Variants in GALNT18 observed in about 807,000 individuals in gnomAD.
GALNT18 encodes the protein polypeptide N-acetylgalactosaminyltransferase 18.
GALNT18 carries 44 observed loss-of-function variants against 69.5 expected under a neutral mutation model. The ratio of observed to expected loss-of-function variants is 0.63; its 90% CI spans 0.50 to 0.81. The LOEUF (loss-of-function observed/expected upper bound fraction) is 0.81, where lower values mean the gene tolerates loss of function less well. Ranked by LOEUF, GALNT18 falls within the 40% of genes least tolerant of loss-of-function variation. GALNT18 has a pLI of 0.00. For synonymous variants in GALNT18, 364 were observed against 318.2 expected, an observed-to-expected ratio of 1.14 and a Z score of -1.53; for missense variants, 715 against 810.0, an observed-to-expected ratio of 0.88 and a Z score of 1.42.
intron 1 of GALNT18, among the ~76,000 whole-genome samples, chr11:11,588,689 T>C (rs1013800902): frequency 1.0e-3 from 154 of 152,320 alleles, no homozygotes; most frequent in African/African-American, 3.3e-3. Context: ...CCTCTATCCA[T>C]AGAGGAGTAC....
In GALNT18 at chr11:11,590,694, G is replaced by C. The variant is rs1476980563; in HGVS notation, c.235+30665C>G. On this transcript the variant is annotated intron_variant, in intron 1 of 10. Transcript: ENST00000227756. The surrounding 1 kb of genome is among the most constrained non-coding windows in gnomAD (Gnocchi z 4.4). ...ACCGCATGACGTTCGCTCAATGACA[G>C]AACACATATACAATGGTGGTCCCGT... is the stretch of plus-strand genomic sequence containing the variant. Among the ~76,000 whole-genome samples the C allele has an allele frequency of 6.6e-6, 1 of 152,162 alleles. No individual in the cohort carries two copies. The highest frequency in any genetic ancestry group is 1.5e-5 in the Non-Finnish European group (1 of 68,036).
chr11:11,548,495 G>T (rs1237170096), intron 1 of GALNT18, among the ~76,000 whole-genome samples: 1 of 152,190 alleles, frequency 6.6e-6, no homozygotes, highest in African/African-American at 2.4e-5. Context: ...TGTGCTCACA[G>T]GAACCTCTGC....
At chr11:11,289,259 G>T (rs1849254630) in intron 10 of GALNT18, among the ~76,000 whole-genome samples, 1 of 152,206 alleles carries the variant, frequency 6.6e-6, no homozygotes, top group Non-Finnish European at 1.5e-5. Context: ...TTATTAAATA[G>T]CAAGTGAGAG....
rs1369769484 is a variant in GALNT18 at position 11,584,153 on chromosome 11, G to A, written c.235+37206C>T. On this transcript the variant is annotated intron_variant, in intron 1 of 10. Coordinates refer to ENST00000227756, the MANE Select transcript of GALNT18 (RefSeq NM_198516.3). The surrounding 1 kb of genome is among the most constrained non-coding windows in gnomAD (Gnocchi z 4.1). Reference sequence around the variant, plus strand: ...GAAGAAGCGGCCCCTGAGATTCCAGGGAACTTGGTTCCAAATGGTAGGACA... The same window carrying A: ...GAAGAAGCGGCCCCTGAGATTCCAGAGAACTTGGTTCCAAATGGTAGGACA... 1.3e-5 allele frequency among the ~76,000 whole-genome samples: 2 copies of A among 152,066 alleles called. No individual in the cohort carries two copies. The highest frequency in any genetic ancestry group is 3.9e-4 in the East Asian group (2 of 5,166).
intron 10 of GALNT18, among the ~76,000 whole-genome samples, chr11:11,273,644 A>G (rs1233743181): frequency 6.6e-6 from 1 of 152,184 alleles, no homozygotes; most frequent in Non-Finnish European, 1.5e-5. Flanking sequence ...AGGTTCCTCA[A>G]AAAACTGAAA....
intron 1 of GALNT18, among the ~76,000 whole-genome samples, chr11:11,567,331 C>G (rs1374539852): frequency 6.6e-6 from 1 of 152,164 alleles, no homozygotes; most frequent in Non-Finnish European, 1.5e-5. Flanking sequence ...GAAATCAATA[C>G]CATCAAAAAT....
chr11:11,502,869 G>C (rs925109747), intron 1 of GALNT18, among the ~76,000 whole-genome samples: 2 of 152,160 alleles, frequency 1.3e-5, no homozygotes. Context: ...TCCGAATGAA[G>C]GGCACTTTCC....
chr11:11,290,142 G>T (rs144901389), intron 10 of GALNT18, among the ~76,000 whole-genome samples: 282 of 152,254 alleles, frequency 1.9e-3, no homozygotes, highest in Middle Eastern at 6.8e-3. Context: ...GGTGATGCCT[G>T]TCAACATTTC....
chr11:11,357,014 C>T lies in GALNT18; in HGVS notation c.1092+15501G>A, dbSNP rs1488837530. 3.3e-5 allele frequency among the ~76,000 whole-genome samples: 5 copies of T among 152,164 alleles called. No individual in the cohort carries two copies. In the East Asian group the frequency reaches 9.6e-4, roughly 29 times the overall value. ...TAACACGCAATAGCCACGGAGCTTC[C>T]TGCTCCATGTTTTCAGATGCCTTCC... On this transcript the variant is annotated intron_variant, in intron 6 of 10. Transcript: ENST00000227756.
At chr11:11,501,417 G>C (rs1856969688) in intron 1 of GALNT18, among the ~76,000 whole-genome samples, 1 of 152,152 alleles carries the variant, frequency 6.6e-6, no homozygotes, top group Non-Finnish European at 1.5e-5. Flanking sequence ...TGATAAAGTG[G>C]TCAAAGTTAA....
chr11:11,416,605 C>T (rs1854863437), intron 3 of GALNT18, among the ~76,000 whole-genome samples: 1 of 152,142 alleles, frequency 6.6e-6, no homozygotes, highest in African/African-American at 2.4e-5. Flanking sequence ...ATTCCTTTCC[C>T]TGGATGAGAG....
At chr11:11,608,257 G>C (rs1427774930) in intron 1 of GALNT18, among the ~76,000 whole-genome samples, 2 of 152,172 alleles carry the variant, frequency 1.3e-5, no homozygotes, top group Non-Finnish European at 2.9e-5. Context: ...GCTTCAACAA[G>C]GATGAAGGAA....
chr11:11,404,496 G>A lies in GALNT18; in HGVS notation c.596-25232C>T, dbSNP rs970471132. ...CGGAAGGAGTTAAGGATCAAACGGC[G>A]CCCAGGGAGTGAGCCAAACATTCCA... On this transcript the variant is annotated intron_variant, in intron 3 of 10. Coordinates refer to ENST00000227756, the MANE Select transcript of GALNT18 (RefSeq NM_198516.3). This position sits in a 1 kb window ranked among gnomAD's most constrained non-coding sequence, Gnocchi z 4.5. Among the ~76,000 whole-genome samples, 2 of 152,132 alleles carry A rather than the reference G, an allele frequency of 1.3e-5. No individual in the cohort carries two copies. Among genetic ancestry groups the A allele is most frequent in the Middle Eastern group, 3.2e-3 (1 of 316 alleles).
At chr11:11,393,811 A>G (rs908243664) in intron 3 of GALNT18, among the ~76,000 whole-genome samples, 16 of 152,234 alleles carry the variant, frequency 1.1e-4, no homozygotes, top group African/African-American at 3.9e-4. Flanking sequence ...AGGAACATAC[A>G]TCGTCATAGT....
Position 11,372,438 on chromosome 11 carries a change from C to A in GALNT18, c.1092+77G>T. 1 of 1,113,490 alleles carries A rather than the reference C, an allele frequency of 9.0e-7. No individual in the cohort carries two copies. The highest frequency in any genetic ancestry group is 1.4e-6 in the Non-Finnish European group (1 of 731,564). The allele number at this position is 1,113,490 out of a possible 1,614,324, so 69.0% of individuals were successfully genotyped here. ...TCAGTCTGTGACCCTCAACCTTAAA[C>A]CCCATTTCTCCACCCCCAGACTCAT... On this transcript the variant is annotated intron_variant, in intron 6 of 10. Transcript: ENST00000227756. This position sits in a 1 kb window ranked among gnomAD's most constrained non-coding sequence, Gnocchi z 4.9.
At chr11:11,388,531 T>C (rs1018225194) in intron 3 of GALNT18, among the ~76,000 whole-genome samples, 1 of 152,234 alleles carries the variant, frequency 6.6e-6, no homozygotes, top group Non-Finnish European at 1.5e-5. Context: ...TGAGTTCTAA[T>C]GTTTGCCACT....
At chr11:11,364,360 C>T (rs377269504) in intron 6 of GALNT18, among the ~76,000 whole-genome samples, 217 of 152,312 alleles carry the variant, frequency 1.4e-3, no homozygotes, top group African/African-American at 4.9e-3. Context: ...TGGAGGAACA[C>T]ACATACTGTC....
In GALNT18 at chr11:11,444,838, C is replaced by T. The variant is rs865958823; in HGVS notation, c.428+3906G>A. Among the ~76,000 whole-genome samples the T allele has an allele frequency of 5.3e-5, 8 of 152,044 alleles. No homozygotes were observed. Among genetic ancestry groups the T allele is most frequent in the Admixed American group, 1.3e-4 (2 of 15,272 alleles). ...ATACAAGCAGCAGGAACAGAAGTCCCGAAGAGCAAACTGGAATTCACAAGA... is the reference window on the plus strand; with the variant it reads ...ATACAAGCAGCAGGAACAGAAGTCCTGAAGAGCAAACTGGAATTCACAAGA... On this transcript the variant is annotated intron_variant, in intron 2 of 10. Coordinates refer to ENST00000227756, the MANE Select transcript of GALNT18 (RefSeq NM_198516.3). The surrounding 1 kb of genome is among the most constrained non-coding windows in gnomAD (Gnocchi z 4.4).
intron 1 of GALNT18, chr11:11,475,458 C>T (rs1200522204): frequency 6.6e-6 from 1 of 152,204 alleles, no homozygotes; most frequent in Non-Finnish European, 1.5e-5. Flanking sequence ...AAGAGCATGG[C>T]TCCTGACATC....
Sources: allele counts gnomAD v4.1 joint callset (sites outside exome capture counted in the v4.1 genomes callset), GRCh38; gene constraint gnomAD v4.1.1; non-coding constraint Gnocchi (gnomAD v3.1); transcripts MANE v1.5; gene names NCBI Gene and HGNC (gene_info 2026-07-23, HGNC 2026-07-21).